MAP3K2: variants seen among roughly 807,000 people sequenced by gnomAD.
MAP3K2 encodes the protein MAP/ERK kinase kinase 2.
Under a neutral mutation model 80.3 loss-of-function variants are expected in MAP3K2, and 24 were observed. The ratio of observed to expected loss-of-function variants is 0.30; its 90% CI spans 0.22 to 0.42. The LOEUF (loss-of-function observed/expected upper bound fraction) is 0.42. MAP3K2 is among the 10% of genes least tolerant of loss of function. MAP3K2 has a pLI of 1.00. For missense variants in MAP3K2, 608 were observed against 750.1 expected, an observed-to-expected ratio of 0.81 and a Z score of 2.21; for synonymous variants, 244 against 253.7, an observed-to-expected ratio of 0.96 and a Z score of 0.36.
chr2:127,342,190 T>C (rs1235711780), intron 2 of MAP3K2, among the ~76,000 whole-genome samples: 1 of 152,168 alleles, frequency 6.6e-6, no homozygotes, highest in Non-Finnish European at 1.5e-5. Context: ...AATTTGGAGC[T>C]GAAAGTAAGG....
At chr2:127,375,477 T>C (rs1233355163) in intron 1 of MAP3K2, among the ~76,000 whole-genome samples, 2 of 151,790 alleles carry the variant, frequency 1.3e-5, no homozygotes, top group Admixed American at 6.6e-5. Flanking sequence ...TGGTGCGATC[T>C]GGGCTCACTG....
intron 2 of MAP3K2, among the ~76,000 whole-genome samples, chr2:127,342,561 G>A (rs1169671468): frequency 1.3e-5 from 2 of 152,106 alleles, no homozygotes; most frequent in African/African-American, 4.8e-5. Flanking sequence ...TCTTGATTTA[G>A]GATAGGGTGG....
At chr2:127,369,007 G>A (rs1303173280) in intron 1 of MAP3K2, among the ~76,000 whole-genome samples, 2 of 151,950 alleles carry the variant, frequency 1.3e-5, no homozygotes, top group Admixed American at 6.6e-5. Flanking sequence ...GAGTGCAGTG[G>A]CGGGATCTCG....
chr2:127,336,887 T>C (rs984947134), intron 4 of MAP3K2, among the ~76,000 whole-genome samples: 11 of 152,308 alleles, frequency 7.2e-5, no homozygotes, highest in Non-Finnish European at 1.2e-4. Flanking sequence ...ACGCCTGTAA[T>C]CCCAGCACTT....
At chr2:127,314,194 T>A (rs1008552348) in intron 15 of MAP3K2, among the ~76,000 whole-genome samples, 7 of 152,178 alleles carry the variant, frequency 4.6e-5, no homozygotes, top group Non-Finnish European at 1.5e-5. Context: ...TTTGACATAG[T>A]TGGGGTTCAT....
chr2:127,329,007 A>G (rs1291159157), intron 7 of MAP3K2, among the ~76,000 whole-genome samples: 2 of 152,236 alleles, frequency 1.3e-5, no homozygotes, highest in Admixed American at 1.3e-4. Flanking sequence ...TATCAAATAA[A>G]AATGTAGATT....
At chr2:127,358,924 A>G (rs2104869887) in intron 1 of MAP3K2, among the ~76,000 whole-genome samples, 1 of 152,236 alleles carries the variant, frequency 6.6e-6, no homozygotes, top group East Asian at 1.9e-4. Flanking sequence ...CAATAAAAAA[A>G]AAAAAAAATT....
At chr2:127,358,928 A>C (rs1273640411) in intron 1 of MAP3K2, among the ~76,000 whole-genome samples, 2 of 152,108 alleles carry the variant, frequency 1.3e-5, no homozygotes, top group African/African-American at 4.8e-5. Flanking sequence ...AAAAAAAAAA[A>C]AAAATTTTTA....
intron 1 of MAP3K2, among the ~76,000 whole-genome samples, chr2:127,367,031 C>A (rs1387707751): frequency 1.3e-5 from 2 of 151,944 alleles, no homozygotes; most frequent in Non-Finnish European, 1.5e-5. Flanking sequence ...CCACCACACT[C>A]GGCTAATTTT....
chr2:127,342,598 G>A (rs1032628722), intron 2 of MAP3K2, among the ~76,000 whole-genome samples: 1 of 151,908 alleles, frequency 6.6e-6, no homozygotes, highest in Non-Finnish European at 1.5e-5. Flanking sequence ...TTTCCTTCTA[G>A]TGTCTTCCTG....
chr2:127,304,153 A>G lies in MAP3K2; in HGVS notation c.*3426T>C, dbSNP rs1286984322. The G allele has an allele frequency of 1.3e-5, 2 of 152,168 alleles. No homozygotes were observed. The highest frequency in any genetic ancestry group is 3.8e-4 in the East Asian group (2 of 5,200). The allele number at this position is 152,168 out of a possible 1,614,324, so 9.4% of individuals were successfully genotyped here. On this transcript the variant is annotated 3_prime_UTR_variant, in exon 17 of 17. Transcript: ENST00000682094. ...TTTTAATTCCTTATATATGTTATGT[A>G]AGGGTAACTGTGCCTTTTAAAACTT...
chr2:127,353,329 G>A (rs899611160), intron 1 of MAP3K2, among the ~76,000 whole-genome samples: 5 of 151,976 alleles, frequency 3.3e-5, no homozygotes, highest in Admixed American at 2.6e-4. Flanking sequence ...TGGGATGTGA[G>A]GAGCGCCTCC....
At chr2:127,357,267 G>C (rs1328035859) in intron 1 of MAP3K2, among the ~76,000 whole-genome samples, 4 of 152,144 alleles carry the variant, frequency 2.6e-5, no homozygotes, top group Non-Finnish European at 5.9e-5. Flanking sequence ...AAACTGAAAA[G>C]CTGATTGTAA....
At position 127,300,022 on chromosome 2, in the gene MAP3K2, TAATAC is replaced by T. The variant is rs1363659629; in HGVS notation, c.*7552_*7556del. 6.6e-6 allele frequency: 1 copy of T among 152,120 alleles called. No individual in the cohort carries two copies. Among genetic ancestry groups the T allele is most frequent in the Non-Finnish European group, 1.5e-5 (1 of 67,982 alleles). 9.4% of individuals were successfully genotyped at this position (152,120 alleles called of 1,614,324 possible). On this transcript the variant is annotated 3_prime_UTR_variant, in exon 17 of 17. Coordinates refer to ENST00000682094, the MANE Select transcript of MAP3K2 (RefSeq NM_001371910.2). ...ACTTTCAACTTAGTAATGGATTTTATAATACATTATAAAATTTTCTAATTTCTATT... is the reference window on the plus strand; with the variant it reads ...ACTTTCAACTTAGTAATGGATTTTATATTATAAAATTTTCTAATTTCTATT...
At chr2:127,324,036 A>C (rs1200921917) in intron 10 of MAP3K2, 42 bp from the exon 11 acceptor site, 1 of 1,168,314 alleles carries the variant, frequency 8.6e-7, no homozygotes, top group South Asian at 1.5e-5. Flanking sequence ...TTTAAAAAAA[A>C]AAGTTAAATA....
chr2:127,352,103 C>G (rs1268468068), intron 1 of MAP3K2, among the ~76,000 whole-genome samples: 3 of 152,000 alleles, frequency 2.0e-5, no homozygotes, highest in African/African-American at 7.3e-5. Flanking sequence ...TCTTGAACTT[C>G]TGGGCACAAG....
chr2:127,303,714 CAAAG>C lies in MAP3K2; in HGVS notation c.*3861_*3864del, dbSNP rs1685642051. ...TAATAAGTTACAATTATTGAACAAA[CAAAG>C]AAGATTCATTCTATTAAAAAAGATA... On this transcript the variant is annotated 3_prime_UTR_variant, in exon 17 of 17. Transcript: ENST00000682094. The C allele has an allele frequency of 6.8e-6, 1 of 146,348 alleles. No homozygotes were observed. Among genetic ancestry groups the C allele is most frequent in the Non-Finnish European group, 1.5e-5 (1 of 65,276 alleles). The allele number at this position is 146,348 out of a possible 1,614,324, so 9.1% of individuals were successfully genotyped here.
Position 127,299,617 on chromosome 2 carries a change from C to G in MAP3K2, c.*7962G>C, listed in dbSNP as rs1685552571. Reference sequence around the variant, plus strand: ...GTGTGTTTTTGCTACTGCTTAAAACCTATTTTTCCCTTAATTTGCATTTCA... The same window carrying G: ...GTGTGTTTTTGCTACTGCTTAAAACGTATTTTTCCCTTAATTTGCATTTCA... On this transcript the variant is annotated 3_prime_UTR_variant, in exon 17 of 17. Transcript: ENST00000682094. 6.6e-6 allele frequency: 1 copy of G among 152,094 alleles called. No homozygotes were observed. The highest frequency in any genetic ancestry group is 1.5e-5 in the Non-Finnish European group (1 of 67,980). 9.4% of individuals were successfully genotyped at this position (152,094 alleles called of 1,614,324 possible). A position where few individuals can be genotyped will look rare whatever the true frequency, so the allele number is the denominator to read the frequency against.
intron 15 of MAP3K2, among the ~76,000 whole-genome samples, chr2:127,309,112 T>A (rs1311152655): frequency 6.6e-6 from 1 of 152,180 alleles, no homozygotes; most frequent in Admixed American, 6.5e-5. Flanking sequence ...AGTTTCTCTA[T>A]CATAAAGCAA....
Sources: gnomAD v4.1 joint callset for allele counts (sites outside exome capture counted in the v4.1 genomes callset) on GRCh38, gnomAD v4.1.1 for gene constraint, MANE v1.5 for transcripts, NCBI Gene and HGNC (gene_info 2026-07-23, HGNC 2026-07-21) for gene names.